The following METTL8 variants were observed in gnomAD, a reference collection of about 807,000 sequenced individuals.
METTL8 encodes methyltransferase 8, tRNA N3-cytidine.
METTL8 carries 32 observed loss-of-function variants against 48.7 expected under a neutral mutation model. The ratio of observed to expected loss-of-function variants is 0.66; its 90% CI spans 0.50 to 0.88. The LOEUF is 0.88. METTL8 is among the 40% of genes least tolerant of loss of function. The pLI is 0.00. For synonymous variants in METTL8, 136 were observed against 157.1 expected (o/e 0.87, Z 1.01); for missense variants, 464 against 474.4 (o/e 0.98, Z 0.20).
At chr2:171,346,080 G>C (rs1408297387) in intron 3 of METTL8, among the ~76,000 whole-genome samples, 2 of 152,142 alleles carry the variant, frequency 1.3e-5, no homozygotes. Context: ...CCAGCCTGGA[G>C]TGCAGTGGTG....
intron 1 of METTL8, among the ~76,000 whole-genome samples, chr2:171,397,161 T>C (rs572247942): frequency 6.7e-6 from 1 of 150,140 alleles, no homozygotes; most frequent in East Asian, 1.9e-4. Context: ...TAAGAATAAA[T>C]TAGACCCAAA....
rs753236930 is a variant in METTL8 at position 171,374,313 on chromosome 2, A to G, written c.144-13800T>C. Among the ~76,000 whole-genome samples the G allele has an allele frequency of 1.4e-3, 219 of 152,292 alleles. 1 individual carries two copies. Among genetic ancestry groups the G allele is most frequent in the Non-Finnish European group, 2.6e-3 (175 of 68,020 alleles). ...GCACATTGATTTTGTATCCTAACACAGGTACAATAATTTCTTAACAAAAAT... is the reference window on the plus strand; with the variant it reads ...GCACATTGATTTTGTATCCTAACACGGGTACAATAATTTCTTAACAAAAAT... On this transcript the variant is annotated intron_variant, in intron 2 of 9. Transcript: ENST00000375258.
intron 3 of METTL8, among the ~76,000 whole-genome samples, chr2:171,358,605 T>C (rs1684833897): frequency 6.6e-6 from 1 of 152,148 alleles, no homozygotes. Flanking sequence ...ACTGGAAAAC[T>C]GTAAGCAGAA....
intron 1 of METTL8, among the ~76,000 whole-genome samples, chr2:171,417,052 G>C (rs1383686106): frequency 1.3e-5 from 2 of 152,184 alleles, no homozygotes; most frequent in African/African-American, 4.8e-5. Flanking sequence ...AAGAACATCA[G>C]CTTAACAAGG....
chr2:171,346,641 T>A (rs982506022), intron 3 of METTL8, among the ~76,000 whole-genome samples: 6 of 152,174 alleles, frequency 3.9e-5, no homozygotes, highest in African/African-American at 1.4e-4. Flanking sequence ...ATAATCTGCA[T>A]ATAGAATACT....
chr2:171,381,626 C>T (rs1485124529), intron 2 of METTL8, among the ~76,000 whole-genome samples: 1 of 152,052 alleles, frequency 6.6e-6, no homozygotes, highest in African/African-American at 2.4e-5. Context: ...GACATTTATG[C>T]AGCCAATAAA....
At chr2:171,347,375 G>T (rs1157750000) in intron 3 of METTL8, among the ~76,000 whole-genome samples, 1 of 152,068 alleles carries the variant, frequency 6.6e-6, no homozygotes, top group Non-Finnish European at 1.5e-5. Context: ...CCTTTACTGC[G>T]GTTTCCAAGG....
intron 1 of METTL8, among the ~76,000 whole-genome samples, chr2:171,427,207 C>T (rs78825209): frequency 0.048 from 7,318 of 152,238 alleles, 257 homozygotes; most frequent in African/African-American, 0.091. Context: ...TTCCAAAATA[C>T]ATCTTGAATC....
intron 3 of METTL8, among the ~76,000 whole-genome samples, chr2:171,348,054 T>A (rs958417567): frequency 2.0e-5 from 3 of 152,198 alleles, no homozygotes; most frequent in Non-Finnish European, 4.4e-5. Context: ...GGGCAGCTAA[T>A]GAGGGCAGTC....
chr2:171,426,312 A>G (rs531975947), intron 1 of METTL8, among the ~76,000 whole-genome samples: 19 of 152,360 alleles, frequency 1.2e-4, no homozygotes, highest in African/African-American at 4.6e-4. Context: ...AATGTTGAGA[A>G]AAATATAGAC....
intron 2 of METTL8, among the ~76,000 whole-genome samples, chr2:171,368,418 G>A (rs1421945679): frequency 1.3e-5 from 2 of 152,108 alleles, no homozygotes; most frequent in African/African-American, 4.8e-5. Context: ...TAAACAAAAT[G>A]AGCCTATCAC....
chr2:171,337,737 A>G (rs1339027557), intron 4 of METTL8, among the ~76,000 whole-genome samples: 2 of 152,158 alleles, frequency 1.3e-5, no homozygotes, highest in Non-Finnish European at 2.9e-5. Flanking sequence ...AAATTTAAAA[A>G]TAACCAATAC....
At chr2:171,425,257 T>A (rs1434179455) in intron 1 of METTL8, among the ~76,000 whole-genome samples, 1 of 152,292 alleles carries the variant, frequency 6.6e-6, no homozygotes, top group African/African-American at 2.4e-5. Context: ...ACAATGCACA[T>A]ACCATATAAT....
At chr2:171,374,503 C>T (rs1027484251) in intron 2 of METTL8, among the ~76,000 whole-genome samples, 9 of 152,110 alleles carry the variant, frequency 5.9e-5, no homozygotes, top group Non-Finnish European at 1.2e-4. Flanking sequence ...TGAGGTGTAA[C>T]TGACATACAG....
In METTL8 at chr2:171,319,598, G is replaced by A. The variant is rs758041259; in HGVS notation, c.*4574C>T. 6.6e-6 allele frequency: 1 copy of A among 152,224 alleles called. No individual in the cohort carries two copies. Among genetic ancestry groups the A allele is most frequent in the African/African-American group, 2.4e-5 (1 of 41,458 alleles). 9.4% of individuals were successfully genotyped at this position (152,224 alleles called of 1,614,324 possible). On this transcript the variant is annotated 3_prime_UTR_variant, in exon 10 of 10. Transcript: ENST00000375258. Reference sequence around the variant, plus strand: ...ATCACACACGGGTAGAAACCGGGACGTGTTCACAATTTGTAGACAAAGCAT... The same window carrying A: ...ATCACACACGGGTAGAAACCGGGACATGTTCACAATTTGTAGACAAAGCAT...
At chr2:171,326,331 C>G (rs1291302927) in intron 7 of METTL8, 183 bp from the exon 8 acceptor site, 1 of 535,862 alleles carries the variant, frequency 1.9e-6, no homozygotes, top group Admixed American at 3.7e-5. Context: ...AACCAACTTG[C>G]TAAATGACTA....
At chr2:171,368,318 T>G (rs1027253319) in intron 2 of METTL8, among the ~76,000 whole-genome samples, 1 of 152,228 alleles carries the variant, frequency 6.6e-6, no homozygotes, top group Non-Finnish European at 1.5e-5. Context: ...GCTGCTTTTT[T>G]CATGGAATGC....
chr2:171,418,608 C>T (rs907685957), intron 1 of METTL8, among the ~76,000 whole-genome samples: 2 of 152,142 alleles, frequency 1.3e-5, no homozygotes, highest in Non-Finnish European at 2.9e-5. Flanking sequence ...TAACTAAATA[C>T]TAACAGTTAT....
Position 171,317,677 on chromosome 2 carries a change from G to A in METTL8, c.*6495C>T, listed in dbSNP as rs1684326996. The stretch of plus-strand genomic sequence containing the variant: ...TCCTTACTTAAGGTTAAGTGGTTGT[G>A]AAACCACAGACACTGTAGAATCAGA... On this transcript the variant is annotated 3_prime_UTR_variant, in exon 10 of 10. Coordinates refer to ENST00000375258, the MANE Select transcript of METTL8 (RefSeq NM_001321154.2). 6.6e-6 allele frequency: 1 copy of A among 152,188 alleles called. No homozygotes were observed. The highest frequency in any genetic ancestry group is 1.5e-5 in the Non-Finnish European group (1 of 68,036). 9.4% of individuals were successfully genotyped at this position (152,188 alleles called of 1,614,324 possible). A position where few individuals can be genotyped will look rare whatever the true frequency, so the allele number is the denominator to read the frequency against.
Sources: allele counts gnomAD v4.1 joint callset (sites outside exome capture counted in the v4.1 genomes callset), GRCh38; gene constraint gnomAD v4.1.1; transcripts MANE v1.5; gene names NCBI Gene and HGNC (gene_info 2026-07-23, HGNC 2026-07-21).